Variants in CMTR1 observed in about 807,000 individuals in gnomAD.
CMTR1 encodes the protein cap methyltransferase 1.
In CMTR1, 39 loss-of-function variants were observed where a neutral mutation model predicts 107.0. The ratio of observed to expected loss-of-function variants is 0.36; its 90% CI spans 0.28 to 0.48. CMTR1 has a LOEUF of 0.48. CMTR1 is among the 20% of genes least tolerant of loss of function. The probability of loss-of-function intolerance (pLI) is 0.99; values close to 1 mark genes in which losing one functional copy is unlikely to be tolerated. For synonymous variants in CMTR1, 366 were observed against 379.5 expected (o/e 0.96, Z 0.41); for missense variants, 672 against 1,064.9 (o/e 0.63, Z 5.14).
At chr6:37,449,957 G>A (rs559595044) in intron 4 of CMTR1, among the ~76,000 whole-genome samples, 3 of 152,296 alleles carry the variant, frequency 2.0e-5, no homozygotes, top group East Asian at 3.9e-4. Flanking sequence ...TCTGCATTCT[G>A]AGTGCTTAAC....
the CMTR1 span, among the ~76,000 whole-genome samples, chr6:37,425,264 ATTGAT>A: frequency 7.1e-6 from 1 of 141,202 alleles, no homozygotes; most frequent in Admixed American, 7.1e-5. Context: ...AGAATTCTTG[ATTGAT>A]TTTTTTTTTC....
chr6:37,426,706 C>A, the CMTR1 span, among the ~76,000 whole-genome samples: 2 of 152,100 alleles, frequency 1.3e-5, no homozygotes, highest in African/African-American at 2.4e-5. Flanking sequence ...GCCAATTTTC[C>A]TCAGATCTTT....
Position 37,478,439 on chromosome 6 carries a change from T to A in CMTR1, c.2184T>A (p.Ser728Arg). The A allele has an allele frequency of 1.2e-6, 2 of 1,614,106 alleles. No homozygotes were observed. Among genetic ancestry groups the A allele is most frequent in the Non-Finnish European group, 8.5e-7 (1 of 1,179,988 alleles). The stretch of plus-strand genomic sequence containing the variant: ...AGATGAAGATCATCAAGGGCTCCAG[T>A]GGCACCCCAAAGCTCAGCTACACAG... Reference protein sequence around the residue: ...RLEMKIIKGSSGTPKLSYTGR... With the variant: ...RLEMKIIKGSRGTPKLSYTGR... Residue 728 changes from serine to arginine, a missense_variant, in exon 22 of 24, where the codon AGT (serine) becomes AGA (arginine). Ser to Arg is a moderately radical substitution (Grantham distance 110). Coordinates refer to ENST00000373451, the MANE Select transcript of CMTR1 (RefSeq NM_015050.3).
In CMTR1 at chr6:37,442,731, A is replaced by G. The variant is rs147700383; in HGVS notation, c.134-1268A>G. Among the ~76,000 whole-genome samples, 140 of 152,358 alleles carry G rather than the reference A, an allele frequency of 9.2e-4. 1 individual carries two copies. Among genetic ancestry groups the G allele is most frequent in the African/African-American group, 3.3e-3 (136 of 41,576 alleles). ...ACCCTTAGCAGGTTTTGGTTCTGGT[A>G]GGGAAATGGATGGATCACTTAAGAT... On this transcript the variant is annotated intron_variant, in intron 2 of 23. Coordinates refer to ENST00000373451, the MANE Select transcript of CMTR1 (RefSeq NM_015050.3).
chr6:37,460,551 C>T (rs1242840596), intron 10 of CMTR1, among the ~76,000 whole-genome samples: 3 of 151,438 alleles, frequency 2.0e-5, no homozygotes, highest in Non-Finnish European at 4.4e-5. Flanking sequence ...TTTAATTGAC[C>T]CCATAATCAG....
At position 37,461,859 on chromosome 6, in the gene CMTR1, C is replaced by G. The variant is rs139061008; in HGVS notation, c.1193-111C>G. On this transcript the variant is annotated intron_variant, in intron 11 of 23. Transcript: ENST00000373451. Reference sequence around the variant, plus strand: ...CCCTTAAATTGTCTCTGAGTTTTAACAGACCCAGGTGCTGGTTTCCTTGAC... The same window carrying G: ...CCCTTAAATTGTCTCTGAGTTTTAAGAGACCCAGGTGCTGGTTTCCTTGAC... 3,843 of 1,247,576 alleles carry G rather than the reference C, an allele frequency of 3.1e-3. 12 individuals carry two copies. The highest frequency in any genetic ancestry group is 3.8e-3 in the Non-Finnish European group (3,340 of 876,706). 77.3% of individuals were successfully genotyped at this position (1,247,576 alleles called of 1,614,324 possible).
At position 37,445,375 on chromosome 6, in the gene CMTR1, G is replaced by GTA. The variant is rs1771760425; in HGVS notation, c.286-911_286-910dup. 5.3e-5 allele frequency among the ~76,000 whole-genome samples: 8 copies of GTA among 151,946 alleles called. No homozygotes were observed. The South Asian group carries it at 1.7e-3, about 32-fold the overall frequency. On this transcript the variant is annotated intron_variant, in intron 3 of 23. Transcript: ENST00000373451. ...TGGGATTCAAGTCTCTAATCTTTGG[G>GTA]TATATACCTGGGCCCAGTAACTCTA... is the stretch of plus-strand genomic sequence containing the variant.
intron 13 of CMTR1, among the ~76,000 whole-genome samples, chr6:37,465,208 G>A (rs895556013): frequency 1.1e-4 from 16 of 151,588 alleles, no homozygotes; most frequent in South Asian, 4.2e-4. Context: ...GCGAGGTTGC[G>A]GTGAGCCGAG....
At chr6:37,466,221 T>C (rs1218647673) in intron 13 of CMTR1, among the ~76,000 whole-genome samples, 1 of 149,126 alleles carries the variant, frequency 6.7e-6, no homozygotes, top group African/African-American at 2.5e-5. Flanking sequence ...CAAGCAATTC[T>C]CCCATCTCAG....
chr6:37,479,375 C>A, intron 23 of CMTR1, 120 bp downstream of exon 23: 2 of 740,764 alleles, frequency 2.7e-6, no homozygotes, highest in East Asian at 2.5e-5. Flanking sequence ...GCAGGGGTTC[C>A]CCTGAGCACA....
In CMTR1 at chr6:37,480,265, G is replaced by C. The variant is rs1761828163; in HGVS notation, c.*120G>C. 6.7e-7 allele frequency: 1 copy of C among 1,492,000 alleles called. No individual in the cohort carries two copies. The allele number at this position is 1,492,000 out of a possible 1,614,324, so 92.4% of individuals were successfully genotyped here. On this transcript the variant is annotated 3_prime_UTR_variant, in exon 24 of 24. Transcript: ENST00000373451. ...AAGGGACTGGGGAGCATTGCACCTG[G>C]CATGAGGAGTGGGTGGCCTCCTCTC...
At chr6:37,424,039 C>T in the CMTR1 span, among the ~76,000 whole-genome samples, 45 of 152,260 alleles carry the variant, frequency 3.0e-4, no homozygotes, top group African/African-American at 5.8e-4. Flanking sequence ...TTTGATCATG[C>T]CTAGTCACAG....
In CMTR1 at chr6:37,446,275, T is replaced by C. The variant is rs748636274; in HGVS notation, c.286-16T>C. The C allele has an allele frequency of 1.1e-5, 17 of 1,613,848 alleles. No homozygotes were observed. Among genetic ancestry groups the C allele is most frequent in the Non-Finnish European group, 1.4e-5 (16 of 1,179,806 alleles). On this transcript the variant is annotated splice_polypyrimidine_tract_variant and intron_variant, in intron 3 of 23. Coordinates refer to ENST00000373451, the MANE Select transcript of CMTR1 (RefSeq NM_015050.3). The stretch of plus-strand genomic sequence containing the variant: ...TTGAACCTAATTAATTGTGCTCCAC[T>C]ACTTCTCTTTTTCAGGCCAAGATGG...
chr6:37,433,420 G>T (rs113663673), intron 1 of CMTR1, 43 bp downstream of exon 1: 3,991 of 152,584 alleles, frequency 0.026, 73 homozygotes, highest in East Asian at 0.086. Flanking sequence ...GCGGGCGGGC[G>T]CGCGGGCTCA....
Position 37,481,369 on chromosome 6 carries a change from TG to T in CMTR1, c.*1229del, listed in dbSNP as rs1581759703. ...CGTGAGGTTGGAATCGACTTCACCA[TG>T]GGGGTCCTTCAGCCAGCATCCAGCT... On this transcript the variant is annotated 3_prime_UTR_variant, in exon 24 of 24. Transcript: ENST00000373451. 1 of 1,189,472 alleles carries T rather than the reference TG, an allele frequency of 8.4e-7. No individual in the cohort carries two copies. The highest frequency in any genetic ancestry group is 5.9e-5 in the East Asian group (1 of 17,024). The allele number at this position is 1,189,472 out of a possible 1,614,324, so 73.7% of individuals were successfully genotyped here.
Position 37,458,365 on chromosome 6 carries a change from GT to G in CMTR1, c.778-242del, listed in dbSNP as rs778872846. Among the ~76,000 whole-genome samples, 9 of 152,100 alleles carry G rather than the reference GT, an allele frequency of 5.9e-5. No homozygotes were observed. The highest frequency in any genetic ancestry group is 1.2e-4 in the Non-Finnish European group (8 of 68,002). On this transcript the variant is annotated intron_variant, in intron 8 of 23. Coordinates refer to ENST00000373451, the MANE Select transcript of CMTR1 (RefSeq NM_015050.3). This position sits in a 1 kb window ranked among gnomAD's most constrained non-coding sequence, Gnocchi z 4.7. ...CCACCGCGCCTGGCTCCATGAAGATGTTTTTATGAGGAGTCTGAGCTAGGCC... is the reference window on the plus strand; with the variant it reads ...CCACCGCGCCTGGCTCCATGAAGATGTTTTATGAGGAGTCTGAGCTAGGCC...
chr6:37,460,099 T>A (rs921162197), intron 10 of CMTR1, among the ~76,000 whole-genome samples: 1 of 152,228 alleles, frequency 6.6e-6, no homozygotes, highest in Non-Finnish European at 1.5e-5. Context: ...CCATTGCAGC[T>A]TTGTTCAGCA....
chr6:37,468,058 G>A (rs897048500), intron 13 of CMTR1, among the ~76,000 whole-genome samples: 7 of 147,864 alleles, frequency 4.7e-5, no homozygotes, highest in Non-Finnish European at 9.0e-5. Context: ...GTTTTGTGGG[G>A]GGGGGGACTA....
At chr6:37,464,922 G>A (rs925920292) in intron 13 of CMTR1, among the ~76,000 whole-genome samples, 2 of 149,568 alleles carry the variant, frequency 1.3e-5, no homozygotes, top group Non-Finnish European at 2.9e-5. Flanking sequence ...GTGTGTGTGT[G>A]TGTGTGTACA....
Sources: gnomAD v4.1 joint callset for allele counts (sites outside exome capture counted in the v4.1 genomes callset) on GRCh38, gnomAD v4.1.1 for gene constraint, Gnocchi (gnomAD v3.1) non-coding constraint, MANE v1.5 for transcripts, NCBI Gene and HGNC (gene_info 2026-07-23, HGNC 2026-07-21) for gene names.